The following CDC14A variants were observed in gnomAD, a reference collection of about 807,000 sequenced individuals.
CDC14A encodes dual specificity protein phosphatase CDC14A.
A neutral mutation model predicts 74.4 loss-of-function variants in CDC14A; 53 were observed. The observed-to-expected ratio is 0.71, with a 90% CI of 0.57 to 0.89. CDC14A has a LOEUF of 0.89. CDC14A is among the 40% of genes least tolerant of loss of function. CDC14A has a pLI of 0.00. For synonymous variants in CDC14A, 247 were observed against 258.4 expected, an observed-to-expected ratio of 0.96 and a Z score of 0.43; for missense variants, 646 against 713.7, an observed-to-expected ratio of 0.91 and a Z score of 1.08.
intron 2 of CDC14A, among the ~76,000 whole-genome samples, chr1:100,358,151 A>C (rs1370234698): frequency 6.6e-6 from 1 of 152,210 alleles, no homozygotes; most frequent in South Asian, 2.1e-4. Context: ...AGGCTAACAC[A>C]CTAGTGGTAC....
At chr1:100,401,327 T>C (rs1421246310) in intron 4 of CDC14A, among the ~76,000 whole-genome samples, 2 of 152,184 alleles carry the variant, frequency 1.3e-5, no homozygotes, top group Non-Finnish European at 2.9e-5. Context: ...CAATAAGTGT[T>C]TGTGAAATGA....
chr1:100,364,305 T>A (rs1383136803), intron 2 of CDC14A, among the ~76,000 whole-genome samples: 2 of 151,636 alleles, frequency 1.3e-5, no homozygotes, highest in Non-Finnish European at 2.9e-5. Context: ...CCTCCCAGGT[T>A]CAAGCGATTC....
chr1:100,371,642 T>G (rs894844955), intron 2 of CDC14A, among the ~76,000 whole-genome samples: 4 of 152,246 alleles, frequency 2.6e-5, no homozygotes, highest in Non-Finnish European at 5.9e-5. Context: ...ATTCCAGGAA[T>G]GAAGCCTACT....
rs1409508177 is a variant in CDC14A, at chr1:100,353,830, G to A, written c.118G>A (p.Asp40Asn). The A allele has an allele frequency of 5.0e-6, 8 of 1,605,940 alleles. No homozygotes were observed. Among genetic ancestry groups the A allele is most frequent in the African/African-American group, 4.0e-5 (3 of 74,826 alleles). Residue 40 changes from aspartate (D) to asparagine (N), a missense_variant, in exon 2 of 16, where the codon GAT (aspartate) becomes AAT (asparagine). Transcript: ENST00000336454. ...AGTAAATACCCACTATTTCTCCATC[G>A]ATGAGGAGCTGGTCTATGAAAAGTA... ...STVNTHYFSI[D>N]EELVYENFYA... is the part of the protein sequence containing the mutation.
intron 7 of CDC14A, among the ~76,000 whole-genome samples, chr1:100,445,879 A>G (rs1665492419): frequency 6.6e-6 from 1 of 152,236 alleles, no homozygotes; most frequent in Non-Finnish European, 1.5e-5. Flanking sequence ...TATAAAGCCT[A>G]TAAAATAGAA....
intron 9 of CDC14A, among the ~76,000 whole-genome samples, chr1:100,466,812 G>T (rs751797240): frequency 1.9e-4 from 29 of 149,172 alleles, no homozygotes; most frequent in Middle Eastern, 6.9e-3. Flanking sequence ...GGAGGTTGTG[G>T]TGAGCCGAGA....
intron 2 of CDC14A, among the ~76,000 whole-genome samples, chr1:100,360,108 A>ATT (rs35028152): frequency 5.7e-4 from 71 of 123,724 alleles, no homozygotes; most frequent in East Asian, 5.0e-3. Context: ...ACACCCAGCT[A>ATT]TTTTTTTTTT....
intron 5 of CDC14A, among the ~76,000 whole-genome samples, chr1:100,431,059 A>T (rs1192173442): frequency 6.6e-6 from 1 of 152,340 alleles, no homozygotes; most frequent in Non-Finnish European, 1.5e-5. Flanking sequence ...ATCCATTCTT[A>T]ACAGCTGGGG....
Position 100,468,052 on chromosome 1 carries a change from G to T in CDC14A, c.935G>T (p.Arg312Leu). The T allele has an allele frequency of 4.3e-6, 7 of 1,613,138 alleles. No homozygotes were observed. The highest frequency in any genetic ancestry group is 5.9e-6 in the Non-Finnish European group (7 of 1,179,644). Residue 312 changes from arginine (R) to leucine (L), a missense_variant, in exon 10 of 16, where the codon CGG becomes CTG. Arg to Leu is a moderately radical substitution (Grantham distance 102). Transcript: ENST00000336454. ...AEIIAWIRIC[R>L]PGSIIGPQQH... ...ATAATTGCTTGGATTAGAATATGCC[G>T]GCCAGGCTCTATTATAGGACCCCAG... is the stretch of plus-strand genomic sequence containing the variant.
chr1:100,437,864 A>G (rs1664516556), intron 5 of CDC14A, among the ~76,000 whole-genome samples: 1 of 151,932 alleles, frequency 6.6e-6, no homozygotes, highest in Non-Finnish European at 1.5e-5. Flanking sequence ...TACATCTTGT[A>G]ATTTTTTTTT....
At chr1:100,412,742 ATATATATATATTT>A in intron 4 of CDC14A, among the ~76,000 whole-genome samples, 1 of 108,022 alleles carries the variant, frequency 9.3e-6, no homozygotes, top group African/African-American at 4.9e-5. Flanking sequence ...TATATATTTT[ATATATATATATTT>A]TATATATATA....
chr1:100,447,905 G>T (rs1665733049), intron 7 of CDC14A, among the ~76,000 whole-genome samples: 1 of 152,162 alleles, frequency 6.6e-6, no homozygotes, highest in Non-Finnish European at 1.5e-5. Context: ...CTGTTAAGCA[G>T]TTATTATTTA....
intron 3 of CDC14A, among the ~76,000 whole-genome samples, chr1:100,387,927 C>A (rs1657104406): frequency 6.6e-6 from 1 of 152,044 alleles, no homozygotes; most frequent in Non-Finnish European, 1.5e-5. Flanking sequence ...AGCACTATAA[C>A]TTGTCCCTTT....
intron 15 of CDC14A, among the ~76,000 whole-genome samples, chr1:100,503,556 T>C (rs1648969377): frequency 6.6e-6 from 1 of 152,226 alleles, no homozygotes; most frequent in Admixed American, 6.5e-5. Context: ...TTAAATCGTT[T>C]AACACAGAAA....
intron 2 of CDC14A, among the ~76,000 whole-genome samples, chr1:100,361,537 G>A (rs1203490091): frequency 1.3e-5 from 2 of 152,148 alleles, no homozygotes; most frequent in Non-Finnish European, 2.9e-5. Flanking sequence ...CTAGCACTGT[G>A]CCTGGCATAG....
intron 7 of CDC14A, among the ~76,000 whole-genome samples, chr1:100,447,757 A>C (rs1665715138): frequency 6.6e-6 from 1 of 152,154 alleles, no homozygotes. Context: ...GTGTAGGCTG[A>C]TACTCTGCTT....
At chr1:100,347,002 A>C (rs900179060) in intron 1 of CDC14A, among the ~76,000 whole-genome samples, 1 of 152,256 alleles carries the variant, frequency 6.6e-6, no homozygotes, top group Non-Finnish European at 1.5e-5. Flanking sequence ...GCAATGGCAG[A>C]TAATGCAACA....
At chr1:100,478,126 G>A (rs1238973429) in intron 10 of CDC14A, among the ~76,000 whole-genome samples, 1 of 152,076 alleles carries the variant, frequency 6.6e-6, no homozygotes, top group Admixed American at 6.5e-5. Flanking sequence ...ATTTAAAGCT[G>A]AAGTTCTTAA....
chr1:100,468,073 C>A lies in CDC14A; in HGVS notation c.956C>A (p.Pro319His), dbSNP rs199851809. ...RICRPGSIIG[P>H]QQHFLEEKQA... ...TGCCGGCCAGGCTCTATTATAGGACCCCAGCAGCACTTCCTGGAAGAGTAA... is the reference window on the plus strand; with the variant it reads ...TGCCGGCCAGGCTCTATTATAGGACACCAGCAGCACTTCCTGGAAGAGTAA... The change falls in exon 10 of 16, where the codon CCC becomes CAC. Residue 319 changes from proline to histidine, a missense_variant. Transcript: ENST00000336454. 1.2e-6 allele frequency: 2 copies of A among 1,613,552 alleles called. No individual in the cohort carries two copies. Among genetic ancestry groups the A allele is most frequent in the Admixed American group, 3.3e-5 (2 of 59,930 alleles).
Sources: gnomAD v4.1 joint callset for allele counts (sites outside exome capture counted in the v4.1 genomes callset) on GRCh38, gnomAD v4.1.1 for gene constraint, MANE v1.5 for transcripts, NCBI Gene and HGNC (gene_info 2026-07-23, HGNC 2026-07-21) for gene names.